SLC1A3: variants seen among roughly 807,000 people sequenced by gnomAD.
The protein encoded by SLC1A3 is excitatory amino acid transporter 1.
SLC1A3 carries 21 observed loss-of-function variants against 48.1 expected under a neutral mutation model. The ratio of observed to expected loss-of-function variants is 0.44; its 90% confidence interval spans 0.31 to 0.63. The LOEUF is 0.63. Ranked by LOEUF, SLC1A3 falls within the 20% of genes least tolerant of loss-of-function variation. SLC1A3 has a pLI of 0.08. For missense variants in SLC1A3, 546 were observed against 689.0 expected (o/e 0.79, Z 2.32); for synonymous variants, 239 against 251.4 (o/e 0.95, Z 0.47).
chr5:36,607,389 C>T (rs557890024), intron 1 of SLC1A3: 43 of 152,220 alleles, frequency 2.8e-4, no homozygotes, highest in African/African-American at 1.0e-3. Flanking sequence ...GGAGGAATCC[C>T]TTGATTTTTC....
At chr5:36,648,492 T>C (rs1049617694) in intron 3 of SLC1A3, among the ~76,000 whole-genome samples, 31 of 152,208 alleles carry the variant, frequency 2.0e-4, no homozygotes, top group African/African-American at 6.0e-4. Context: ...TTCCTCAGAA[T>C]AGTCTGGGAG....
At chr5:36,638,205 T>G (rs192674295) in intron 3 of SLC1A3, among the ~76,000 whole-genome samples, 1 of 152,200 alleles carries the variant, frequency 6.6e-6, no homozygotes, top group African/African-American at 2.4e-5. Flanking sequence ...ATCTTCCTCA[T>G]AGAGGCTTCT....
chr5:36,599,883 G>A (rs1234894882), intron 1 of SLC1A3, among the ~76,000 whole-genome samples: 2 of 151,880 alleles, frequency 1.3e-5, no homozygotes, highest in African/African-American at 4.8e-5. Context: ...GTGCAGTGGC[G>A]CTATCTAGGC....
intron 3 of SLC1A3, among the ~76,000 whole-genome samples, chr5:36,640,100 C>T (rs1234746072): frequency 6.6e-6 from 1 of 152,158 alleles, no homozygotes; most frequent in African/African-American, 2.4e-5. Flanking sequence ...AATTGTATGC[C>T]TCCAGAGGAC....
At chr5:36,598,575 ATG>A (rs1738770153) in intron 1 of SLC1A3, among the ~76,000 whole-genome samples, 1 of 152,236 alleles carries the variant, frequency 6.6e-6, no homozygotes, top group Admixed American at 6.5e-5. Context: ...TAGAAATATA[ATG>A]TGTTATATAC....
intron 2 of SLC1A3, among the ~76,000 whole-genome samples, chr5:36,620,116 G>T (rs747601744): frequency 4.6e-5 from 7 of 152,138 alleles, no homozygotes; most frequent in Non-Finnish European, 1.0e-4. Context: ...ATCACTTACC[G>T]CAATGTGCCT....
At chr5:36,670,501 A>C (rs1346764932) in intron 3 of SLC1A3, among the ~76,000 whole-genome samples, 1 of 152,222 alleles carries the variant, frequency 6.6e-6, no homozygotes, top group Non-Finnish European at 1.5e-5. Context: ...TGTACATTAA[A>C]ACATCAAAAA....
At chr5:36,652,133 G>A (rs546657716) in intron 3 of SLC1A3, among the ~76,000 whole-genome samples, 1 of 152,332 alleles carries the variant, frequency 6.6e-6, no homozygotes, top group South Asian at 2.1e-4. Context: ...TTGGTGGAAT[G>A]CCTACTAAAG....
At chr5:36,677,542 A>G (rs1035807844) in intron 6 of SLC1A3, among the ~76,000 whole-genome samples, 2 of 152,250 alleles carry the variant, frequency 1.3e-5, no homozygotes, top group African/African-American at 4.8e-5. Flanking sequence ...TATAGCAATA[A>G]AGAAAACATA....
chr5:36,623,842 G>A (rs1246830382), intron 2 of SLC1A3, among the ~76,000 whole-genome samples: 2 of 143,064 alleles, frequency 1.4e-5, no homozygotes, highest in East Asian at 2.0e-4. Flanking sequence ...CAGCCTGGGC[G>A]ACAGAGCAAG....
chr5:36,617,015 C>T (rs984174025), intron 2 of SLC1A3, among the ~76,000 whole-genome samples: 1 of 152,206 alleles, frequency 6.6e-6, no homozygotes, highest in Non-Finnish European at 1.5e-5. Flanking sequence ...CTTTGCAGTG[C>T]TTTCCACGAG....
In SLC1A3 at chr5:36,608,496, C is replaced by G; in HGVS notation, c.73C>G (p.Arg25Gly). 1 of 1,613,912 alleles carries G rather than the reference C, an allele frequency of 6.2e-7. No homozygotes were observed. The change falls in exon 2 of 10, where the codon CGC becomes GGC. Residue 25 changes from arginine (R) to glycine (G), a missense_variant. Coordinates refer to ENST00000265113, the MANE Select transcript of SLC1A3 (RefSeq NM_004172.5). ...MERFQQGVRKRTLLAKKKVQN... is the reference protein window; with the variant it reads ...MERFQQGVRKGTLLAKKKVQN... ...GAGATTCCAGCAGGGAGTCCGTAAA[C>G]GCACACTTTTGGCCAAGAAGAAAGT...
chr5:36,613,293 C>T (rs1291426957), intron 2 of SLC1A3: 1 of 165,124 alleles, frequency 6.1e-6, no homozygotes, highest in Non-Finnish European at 1.3e-5. Context: ...ATAAATGAGT[C>T]TACTCTGTAA....
chr5:36,681,670 C>T (rs935418521), intron 8 of SLC1A3, among the ~76,000 whole-genome samples: 3 of 152,208 alleles, frequency 2.0e-5, no homozygotes, highest in African/African-American at 4.8e-5. Flanking sequence ...TCCAGAGATA[C>T]GCCAGGCATA....
At chr5:36,634,565 A>C (rs378427) in intron 3 of SLC1A3, among the ~76,000 whole-genome samples, 1 of 152,006 alleles carries the variant, frequency 6.6e-6, no homozygotes, top group Admixed American at 6.5e-5. Flanking sequence ...TCCTGAACAT[A>C]TCTAAAGACA....
Position 36,629,427 on chromosome 5 carries a change from CTTTTTTTTT to C in SLC1A3, c.182-16_182-8del. 1 of 1,456,532 alleles carries C rather than the reference CTTTTTTTTT, an allele frequency of 6.9e-7. No homozygotes were observed. The highest frequency in any genetic ancestry group is 1.2e-5 in the South Asian group (1 of 85,398). The allele number at this position is 1,456,532 out of a possible 1,614,324, so 90.2% of individuals were successfully genotyped here. On this transcript the variant is annotated splice_polypyrimidine_tract_variant and intron_variant, in intron 2 of 9. Coordinates refer to ENST00000265113, the MANE Select transcript of SLC1A3 (RefSeq NM_004172.5). ...CAAAAAAGACTCAATTTTTCTTTTT[CTTTTTTTTT>C]TTTTTTCCTTCAGGTACAATCCTTG...
intron 2 of SLC1A3, among the ~76,000 whole-genome samples, chr5:36,623,464 C>A (rs1302522406): frequency 1.3e-5 from 2 of 151,990 alleles, no homozygotes; most frequent in Non-Finnish European, 2.9e-5. Flanking sequence ...GGCCATAAAG[C>A]TTTTTGTCAG....
intron 3 of SLC1A3, among the ~76,000 whole-genome samples, chr5:36,641,536 A>T (rs1334951991): frequency 1.3e-5 from 2 of 152,194 alleles, no homozygotes; most frequent in Non-Finnish European, 2.9e-5. Flanking sequence ...AATCCCTATT[A>T]TCAGCATACC....
intron 3 of SLC1A3, among the ~76,000 whole-genome samples, chr5:36,660,179 C>T (rs1034116608): frequency 6.6e-6 from 1 of 152,130 alleles, no homozygotes; most frequent in Non-Finnish European, 1.5e-5. Flanking sequence ...TCACTCTATT[C>T]CTAAATTCCA....
Sources: allele counts gnomAD v4.1 joint callset (sites outside exome capture counted in the v4.1 genomes callset), GRCh38; gene constraint gnomAD v4.1.1; transcripts MANE v1.5; gene names NCBI Gene and HGNC (gene_info 2026-07-23, HGNC 2026-07-21).